The following EIF4EBP1 variants were observed in gnomAD, a reference collection of about 807,000 sequenced individuals.
The protein encoded by EIF4EBP1 is eukaryotic translation initiation factor 4E binding protein 1.
EIF4EBP1 carries 5 observed loss-of-function variants against 9.2 expected under a neutral mutation model. The ratio of observed to expected loss-of-function variants is 0.54; its 90% CI spans 0.28 to 1.14. The LOEUF is 1.14. Among genes scored for constraint, EIF4EBP1 ranks in the 50% most tolerant of loss-of-function variants. The pLI, the probability that EIF4EBP1 is intolerant of heterozygous loss-of-function variation, is 0.09. For missense variants in EIF4EBP1, 139 were observed against 169.6 expected, an observed-to-expected ratio of 0.82 and a Z score of 1.00; for synonymous variants, 62 against 67.0, an observed-to-expected ratio of 0.93 and a Z score of 0.36.
chr8:38,038,679 C>T (rs917292501), intron 1 of EIF4EBP1, among the ~76,000 whole-genome samples: 3 of 150,808 alleles, frequency 2.0e-5, no homozygotes, highest in African/African-American at 7.3e-5. Flanking sequence ...AGAAATTGTA[C>T]ATTGAATTGT....
rs566483688 is a variant in EIF4EBP1, at chr8:38,060,163, G to A, written c.*228G>A. The A allele has an allele frequency of 1.7e-6, 1 of 604,776 alleles. No individual in the cohort carries two copies. The highest frequency in any genetic ancestry group is 1.8e-5 in the African/African-American group (1 of 54,086). 37.5% of individuals were successfully genotyped at this position (604,776 alleles called of 1,614,324 possible). On this transcript the variant is annotated 3_prime_UTR_variant, in exon 3 of 3. Coordinates refer to ENST00000338825, the MANE Select transcript of EIF4EBP1 (RefSeq NM_004095.4). Reference sequence around the variant, plus strand: ...GATGCAGGAGCTGCCACCCCAAGGGGAGTGACCCCTGCCAGCACACCCTGC... The same window carrying A: ...GATGCAGGAGCTGCCACCCCAAGGGAAGTGACCCCTGCCAGCACACCCTGC...
chr8:38,051,312 T>C (rs1357966412), intron 1 of EIF4EBP1, among the ~76,000 whole-genome samples: 4 of 152,154 alleles, frequency 2.6e-5, no homozygotes, highest in Non-Finnish European at 4.4e-5. Flanking sequence ...GCCTCTGTCT[T>C]TACCTGTTGT....
intron 1 of EIF4EBP1, among the ~76,000 whole-genome samples, chr8:38,035,989 G>C (rs904234223): frequency 6.6e-6 from 1 of 150,684 alleles, no homozygotes; most frequent in Non-Finnish European, 1.5e-5. Context: ...TTACAGCCAT[G>C]AGTCACCGCG....
At chr8:38,059,041 G>A (rs1047150527) in intron 2 of EIF4EBP1, among the ~76,000 whole-genome samples, 8 of 152,178 alleles carry the variant, frequency 5.3e-5, no homozygotes, top group South Asian at 4.1e-4. Flanking sequence ...CTATGATTGC[G>A]TAACTGCACG....
At chr8:38,031,960 G>A (rs1173913897) in intron 1 of EIF4EBP1, among the ~76,000 whole-genome samples, 2 of 152,196 alleles carry the variant, frequency 1.3e-5, no homozygotes, top group Non-Finnish European at 2.9e-5. Flanking sequence ...AAGCTCGCAG[G>A]GGCTCTTGTT....
intron 1 of EIF4EBP1, among the ~76,000 whole-genome samples, chr8:38,053,795 G>A (rs1809556170): frequency 2.0e-5 from 3 of 152,066 alleles, no homozygotes; most frequent in South Asian, 2.1e-4. Context: ...GAAATAAGCC[G>A]GTCATGAAAA....
rs11545133 is a variant in EIF4EBP1, at chr8:38,060,207, G to A, written c.*272G>A. 2 of 550,086 alleles carry A rather than the reference G, an allele frequency of 3.6e-6. 1 individual carries two copies. Among genetic ancestry groups the A allele is most frequent in the South Asian group, 4.3e-5 (2 of 46,746 alleles). The allele number at this position is 550,086 out of a possible 1,614,324, so 34.1% of individuals were successfully genotyped here. A position where few individuals can be genotyped will look rare whatever the true frequency, so the allele number is the denominator to read the frequency against. ...ACCCTGCAGCCAAGGGCCAGGAAGT[G>A]GACAAGAACGAACCCTTCCTTCCGA... On this transcript the variant is annotated 3_prime_UTR_variant, in exon 3 of 3. Transcript: ENST00000338825.
rs28402245 is a variant in EIF4EBP1, at chr8:38,030,736, G to A, written c.145+18G>A. The A allele has an allele frequency of 4.8e-4, 663 of 1,379,954 alleles. 5 individuals are homozygous for A. In the African/African-American group the frequency reaches 7.7e-3, roughly 16 times the overall value. 85.5% of individuals were successfully genotyped at this position (1,379,954 alleles called of 1,614,324 possible). A position where few individuals can be genotyped will look rare whatever the true frequency, so the allele number is the denominator to read the frequency against. On this transcript the variant is annotated intron_variant, in intron 1 of 2. Coordinates refer to ENST00000338825, the MANE Select transcript of EIF4EBP1 (RefSeq NM_004095.4). Reference sequence around the variant, plus strand: ...CCCGGGAGGTAGGCGCGGGCTTGGCGACGCCGCTTGCCGGCTCCTGGGCGG... The same window carrying A: ...CCCGGGAGGTAGGCGCGGGCTTGGCAACGCCGCTTGCCGGCTCCTGGGCGG...
chr8:38,034,382 A>G (rs532050156), intron 1 of EIF4EBP1, among the ~76,000 whole-genome samples: 12 of 152,194 alleles, frequency 7.9e-5, no homozygotes, highest in African/African-American at 2.9e-4. Context: ...AACCATTTGC[A>G]CACTGAGGCT....
At chr8:38,043,401 G>A (rs1283848819) in intron 1 of EIF4EBP1, among the ~76,000 whole-genome samples, 1 of 136,770 alleles carries the variant, frequency 7.3e-6, no homozygotes, top group Admixed American at 7.8e-5. Context: ...GTCTTGCTCT[G>A]TTGCCCAGGC....
At chr8:38,044,536 T>C (rs1809426262) in intron 1 of EIF4EBP1, among the ~76,000 whole-genome samples, 1 of 152,196 alleles carries the variant, frequency 6.6e-6, no homozygotes, top group South Asian at 2.1e-4. Context: ...ACTCCTGGGC[T>C]AAAGCGATCC....
intron 1 of EIF4EBP1, among the ~76,000 whole-genome samples, chr8:38,046,343 A>G (rs1411233046): frequency 1.3e-5 from 2 of 152,190 alleles, no homozygotes; most frequent in African/African-American, 4.8e-5. Context: ...AAAAAATATC[A>G]TTCCTATATT....
At chr8:38,045,348 G>C (rs1343638969) in intron 1 of EIF4EBP1, among the ~76,000 whole-genome samples, 1 of 152,096 alleles carries the variant, frequency 6.6e-6, no homozygotes, top group Admixed American at 6.6e-5. Flanking sequence ...GCACGTGCCT[G>C]GTGCTTTCAA....
intron 1 of EIF4EBP1, among the ~76,000 whole-genome samples, chr8:38,054,341 C>T (rs767080288): frequency 1.3e-5 from 2 of 152,140 alleles, no homozygotes; most frequent in Non-Finnish European, 2.9e-5. Flanking sequence ...GTCCCAGCTA[C>T]TGGGGAGGCT....
At chr8:38,030,757 G>A (rs779324281) in intron 1 of EIF4EBP1, 39 bp downstream of exon 1, 2 of 1,376,298 alleles carry the variant, frequency 1.5e-6, no homozygotes, top group Non-Finnish European at 1.9e-6. Context: ...CCGGCTCCTG[G>A]GCGGGCGGGA....
At chr8:38,051,154 C>T (rs1809515430) in intron 1 of EIF4EBP1, among the ~76,000 whole-genome samples, 1 of 152,158 alleles carries the variant, frequency 6.6e-6, no homozygotes, top group Non-Finnish European at 1.5e-5. Context: ...CTGTTATCAG[C>T]CCCCATCCCC....
intron 1 of EIF4EBP1, among the ~76,000 whole-genome samples, chr8:38,036,313 A>C (rs1809302123): frequency 2.6e-5 from 4 of 151,998 alleles, no homozygotes; most frequent in Admixed American, 2.6e-4. Flanking sequence ...GTTCAAGACC[A>C]GCTTGGCCAA....
intron 1 of EIF4EBP1, among the ~76,000 whole-genome samples, chr8:38,035,671 G>A (rs1206010524): frequency 2.0e-5 from 3 of 151,566 alleles, no homozygotes; most frequent in South Asian, 2.1e-4. Flanking sequence ...TGACAGGCAC[G>A]CACCACCATG....
chr8:38,057,009 C>G, intron 1 of EIF4EBP1, 72 bp from the exon 2 acceptor site: 2 of 1,527,222 alleles, frequency 1.3e-6, no homozygotes, highest in Non-Finnish European at 1.8e-6. Flanking sequence ...TGCAGCCACG[C>G]CTTTAAAAAG....
Sources: gnomAD v4.1 joint callset for allele counts (sites outside exome capture counted in the v4.1 genomes callset) on GRCh38, gnomAD v4.1.1 for gene constraint, MANE v1.5 for transcripts, NCBI Gene and HGNC (gene_info 2026-07-23, HGNC 2026-07-21) for gene names.